The following SLC17A8 variants were observed in gnomAD, a reference collection of about 807,000 sequenced individuals.
SLC17A8 encodes the protein solute carrier family 17 member 8, also known as vesicular glutamate transporter 3.
A neutral mutation model predicts 58.0 loss-of-function variants in SLC17A8; 31 were observed. The ratio of observed to expected loss-of-function variants is 0.53; its 90% CI spans 0.40 to 0.72. SLC17A8 has a LOEUF of 0.72. Ranked by LOEUF, SLC17A8 falls within the 30% of genes least tolerant of loss-of-function variation. The pLI is 0.00. For synonymous variants in SLC17A8, 228 were observed against 249.0 expected, an observed-to-expected ratio of 0.92 and a Z score of 0.79; for missense variants, 655 against 727.8, an observed-to-expected ratio of 0.90 and a Z score of 1.15.
intron 10 of SLC17A8, among the ~76,000 whole-genome samples, chr12:100,413,549 T>C (rs372573978): frequency 4.6e-5 from 7 of 152,154 alleles, no homozygotes; most frequent in Admixed American, 1.3e-4. Flanking sequence ...GATCCCCATT[T>C]TACAGGAGCA....
At chr12:100,408,364 A>G (rs375291136) in intron 9 of SLC17A8, among the ~76,000 whole-genome samples, 7 of 152,344 alleles carry the variant, frequency 4.6e-5, no homozygotes, top group East Asian at 1.9e-4. Flanking sequence ...GCAAAGTGTA[A>G]CTGAGGTCAA....
At chr12:100,376,999 G>A (rs1223445345) in intron 1 of SLC17A8, among the ~76,000 whole-genome samples, 1 of 152,040 alleles carries the variant, frequency 6.6e-6, no homozygotes, top group South Asian at 2.1e-4. Context: ...TAGTAGAGAC[G>A]GGGTTTTGCC....
At chr12:100,388,901 C>A (rs1350042790) in intron 2 of SLC17A8, among the ~76,000 whole-genome samples, 1 of 152,202 alleles carries the variant, frequency 6.6e-6, no homozygotes. Context: ...ATAAGTCAAA[C>A]AGGACATGGC....
intron 2 of SLC17A8, among the ~76,000 whole-genome samples, chr12:100,384,617 T>C (rs995682803): frequency 1.3e-5 from 2 of 152,100 alleles, no homozygotes; most frequent in African/African-American, 4.8e-5. Context: ...TGTAGGGCTG[T>C]AAGAGGATCT....
intron 1 of SLC17A8, among the ~76,000 whole-genome samples, chr12:100,368,843 T>C (rs1365831466): frequency 6.6e-6 from 1 of 152,240 alleles, no homozygotes; most frequent in South Asian, 2.1e-4. Flanking sequence ...TTATATATTT[T>C]GACATAGACA....
Position 100,420,341 on chromosome 12 carries a change from A to G in SLC17A8, c.*182A>G. ...CATGTATAGGTAAGGAGCTGCGCTC[A>G]GTTGATAACATAGTTGATAATACAT... On this transcript the variant is annotated 3_prime_UTR_variant, in exon 12 of 12. Coordinates refer to ENST00000323346, the MANE Select transcript of SLC17A8 (RefSeq NM_139319.3). 3.4e-6 allele frequency: 2 copies of G among 594,948 alleles called. No individual in the cohort carries two copies. Among genetic ancestry groups the G allele is most frequent in the Non-Finnish European group, 3.0e-6 (1 of 335,602 alleles). The allele number at this position is 594,948 out of a possible 1,614,324, so 36.9% of individuals were successfully genotyped here.
chr12:100,383,630 G>C (rs988339885), intron 2 of SLC17A8, among the ~76,000 whole-genome samples: 1 of 152,090 alleles, frequency 6.6e-6, no homozygotes, highest in Non-Finnish European at 1.5e-5. Context: ...GAAATAAGCA[G>C]TATGAATAGG....
chr12:100,390,974 C>T (rs758025391), intron 2 of SLC17A8, 27 bp from the exon 3 acceptor site: 9 of 1,492,694 alleles, frequency 6.0e-6, no homozygotes, highest in Non-Finnish European at 8.4e-6. Context: ...CTAACAAACA[C>T]AACTATATCT....
At chr12:100,403,203 G>A (rs780626445) in intron 8 of SLC17A8, among the ~76,000 whole-genome samples, 5 of 152,232 alleles carry the variant, frequency 3.3e-5, no homozygotes, top group Non-Finnish European at 5.9e-5. Flanking sequence ...TCTGCCAGGC[G>A]TGGTGGCTCA....
At chr12:100,359,872 C>T (rs186890168) in intron 1 of SLC17A8, among the ~76,000 whole-genome samples, 1 of 152,288 alleles carries the variant, frequency 6.6e-6, no homozygotes, top group Admixed American at 6.5e-5. Flanking sequence ...GTAAAAAAAT[C>T]ACAAAGAACT....
chr12:100,380,735 A>G lies in SLC17A8; in HGVS notation c.136A>G (p.Ile46Val), dbSNP rs1328567543. 6.2e-7 allele frequency: 1 copy of G among 1,613,950 alleles called. No individual in the cohort carries two copies. Among genetic ancestry groups the G allele is most frequent in the Non-Finnish European group, 8.5e-7 (1 of 1,180,036 alleles). The change falls in exon 2 of 12, where the codon ATT (isoleucine) becomes GTT (valine). Residue 46 changes from isoleucine (I) to valine (V), a missense_variant. By Grantham distance (29) the Ile-to-Val change is conservative (BLOSUM62 3). Coordinates refer to ENST00000323346, the MANE Select transcript of SLC17A8 (RefSeq NM_139319.3). Reference protein sequence around the residue: ...IDGTTEEEDNIELNEEGRPVQ... With the variant: ...IDGTTEEEDNVELNEEGRPVQ... Reference sequence around the variant, plus strand: ...TGGGACAACTGAGGAAGAAGATAACATTGAGCTGAATGAAGAAGGAAGGCC... The same window carrying G: ...TGGGACAACTGAGGAAGAAGATAACGTTGAGCTGAATGAAGAAGGAAGGCC...
intron 9 of SLC17A8, 173 bp downstream of exon 9, chr12:100,404,343 C>T (rs1006246498): frequency 1.3e-6 from 1 of 775,406 alleles, no homozygotes; most frequent in African/African-American, 1.7e-5. Context: ...GCCAAGAGGT[C>T]ATCCAGCTGG....
rs184010575 is a variant in SLC17A8, at chr12:100,359,096, C to T, written c.101+1604C>T. Among the ~76,000 whole-genome samples the T allele has an allele frequency of 2.0e-5, 3 of 152,206 alleles. No individual in the cohort carries two copies. The East Asian group carries it at 5.8e-4, about 29-fold the overall frequency. ...GTTGCAGCGAGCCAAGATTGCGTCT[C>T]TGCACTCCAGCTAGGGTGACAGAGT... is the stretch of plus-strand genomic sequence containing the variant. On this transcript the variant is annotated intron_variant, in intron 1 of 11. Transcript: ENST00000323346.
rs775224185 is a variant in SLC17A8 at position 100,402,471 on chromosome 12, A to G, written c.895A>G (p.Ser299Gly). ...TSIGEGANVV[S>G]LSKFSTPWKR... The stretch of plus-strand genomic sequence containing the variant: ...CATAGGAGAGGGGGCCAACGTGGTT[A>G]GTCTAAGTGTAAGTATAAAAAGTCA... Residue 299 changes from serine to glycine, a missense_variant, in exon 7 of 12, where the codon AGT becomes GGT. Coordinates refer to ENST00000323346, the MANE Select transcript of SLC17A8 (RefSeq NM_139319.3). 1.5e-5 allele frequency: 25 copies of G among 1,613,986 alleles called. No homozygotes were observed. The highest frequency in any genetic ancestry group is 5.0e-5 in the Admixed American group (3 of 60,008).
chr12:100,370,926 T>C (rs1052759722), intron 1 of SLC17A8, among the ~76,000 whole-genome samples: 7 of 150,090 alleles, frequency 4.7e-5, no homozygotes, highest in Non-Finnish European at 8.8e-5. Context: ...GGTTCCTGAC[T>C]TTCTGAAATT....
chr12:100,404,461 GTAGTC>G (rs1357022734), intron 9 of SLC17A8: 5 of 375,556 alleles, frequency 1.3e-5, no homozygotes, highest in Admixed American at 3.7e-5. Context: ...CAGAAGAAAA[GTAGTC>G]TTTCCTCCTA....
chr12:100,394,548 C>T (rs1217262726), intron 4 of SLC17A8, among the ~76,000 whole-genome samples: 1 of 150,674 alleles, frequency 6.6e-6, no homozygotes, highest in Non-Finnish European at 1.5e-5. Flanking sequence ...ACTACAGGTG[C>T]CAGTTACCAC....
intron 1 of SLC17A8, among the ~76,000 whole-genome samples, chr12:100,357,959 G>A (rs1002659897): frequency 2.6e-5 from 4 of 152,130 alleles, no homozygotes; most frequent in Non-Finnish European, 4.4e-5. Context: ...TGTATAGTTT[G>A]CAAAGAGAAG....
intron 2 of SLC17A8, among the ~76,000 whole-genome samples, chr12:100,383,603 A>G (rs1952652058): frequency 6.6e-6 from 1 of 152,210 alleles, no homozygotes; most frequent in South Asian, 2.1e-4. Flanking sequence ...TTAAATCTTT[A>G]TTTCAAAAGA....
Sources: allele counts gnomAD v4.1 joint callset (sites outside exome capture counted in the v4.1 genomes callset), GRCh38; gene constraint gnomAD v4.1.1; transcripts MANE v1.5; gene names NCBI Gene and HGNC (gene_info 2026-07-23, HGNC 2026-07-21).